The following C2orf42 variants were observed in gnomAD, a reference collection of about 807,000 sequenced individuals.
The protein encoded by C2orf42 is uncharacterized protein C2orf42.
A neutral mutation model predicts 58.9 loss-of-function variants in C2orf42; 44 were observed. The ratio of observed to expected loss-of-function variants is 0.75; its 90% CI spans 0.59 to 0.96. The LOEUF is 0.96. Among genes scored for constraint, C2orf42 ranks in the 40% least tolerant of loss-of-function variants. C2orf42 has a pLI of 0.00. For synonymous variants in C2orf42, 239 were observed against 265.4 expected (o/e 0.90, Z 0.97); for missense variants, 630 against 699.2 (o/e 0.90, Z 1.12).
chr2:70,179,278 A>G (rs10192774), intron 4 of C2orf42, among the ~76,000 whole-genome samples: 1 of 151,990 alleles, frequency 6.6e-6, no homozygotes, highest in Non-Finnish European at 1.5e-5. Flanking sequence ...CAAAAACATA[A>G]TATTTCTTGG....
At chr2:70,169,350 TTC>T (rs759299525) in intron 6 of C2orf42, among the ~76,000 whole-genome samples, 4 of 152,156 alleles carry the variant, frequency 2.6e-5, no homozygotes, top group Non-Finnish European at 5.9e-5. Context: ...GTTTTTTCTC[TTC>T]TGTCTCTAAA....
chr2:70,153,293 G>A (rs1003642595), intron 9 of C2orf42, among the ~76,000 whole-genome samples: 3 of 151,912 alleles, frequency 2.0e-5, no homozygotes, highest in African/African-American at 7.3e-5. Context: ...ACAGATCTGA[G>A]AGGGAGCCAG....
chr2:70,152,352 A>C (rs1337696831), intron 9 of C2orf42, among the ~76,000 whole-genome samples: 1 of 152,196 alleles, frequency 6.6e-6, no homozygotes, highest in East Asian at 1.9e-4. Context: ...CTTCCATTTC[A>C]AATGATATCT....
At chr2:70,174,461 A>G (rs1436676637) in intron 5 of C2orf42, among the ~76,000 whole-genome samples, 1 of 152,206 alleles carries the variant, frequency 6.6e-6, no homozygotes, top group Admixed American at 6.6e-5. Flanking sequence ...CATCACAGTC[A>G]GGAAAATGAC....
chr2:70,173,923 T>G (rs1674008511), intron 5 of C2orf42, among the ~76,000 whole-genome samples: 1 of 152,134 alleles, frequency 6.6e-6, no homozygotes, highest in African/African-American at 2.4e-5. Flanking sequence ...ACTTTGAATC[T>G]CTATACCAAT....
At chr2:70,169,113 G>C (rs1394642366) in intron 6 of C2orf42, among the ~76,000 whole-genome samples, 1 of 151,982 alleles carries the variant, frequency 6.6e-6, no homozygotes, top group Non-Finnish European at 1.5e-5. Context: ...TCCCAGGCTG[G>C]AGTGCAATGG....
intron 1 of C2orf42, among the ~76,000 whole-genome samples, chr2:70,189,973 GTA>G (rs1675234616): frequency 6.6e-6 from 1 of 151,728 alleles, no homozygotes; most frequent in Non-Finnish European, 1.5e-5. Context: ...ATACACATAT[GTA>G]TCTATCTAGA....
chr2:70,166,948 C>A (rs1026926101), intron 6 of C2orf42, among the ~76,000 whole-genome samples: 5 of 152,134 alleles, frequency 3.3e-5, no homozygotes, highest in African/African-American at 9.7e-5. Context: ...ATGGTCAGCA[C>A]CATGAATGCT....
chr2:70,152,044 G>A (rs1320283505), intron 9 of C2orf42, among the ~76,000 whole-genome samples: 1 of 152,042 alleles, frequency 6.6e-6, no homozygotes, highest in African/African-American at 2.4e-5. Context: ...CCCAGAGTGT[G>A]GGGATTACAG....
Position 70,181,294 on chromosome 2 carries a change from G to A in C2orf42, c.692C>T (p.Ser231Leu), listed in dbSNP as rs773883102. ...ATCCTTGGAGGCATTTGACTTGTGC[G>A]ATTTCAGAGTCTGACAGGAGCAGAA... The part of the protein sequence containing the change: ...RFFCSCQTLK[S>L]HKSNASKDET... The change falls in exon 3 of 10, where the codon TCG becomes TTG. Residue 231 changes from serine to leucine, a missense_variant. Physicochemically the swap from Ser to Leu is moderately radical, Grantham distance 145. Transcript: ENST00000264434. 1.2e-5 allele frequency: 20 copies of A among 1,613,810 alleles called. No individual in the cohort carries two copies. Among genetic ancestry groups the A allele is most frequent in the African/African-American group, 8.0e-5 (6 of 74,914 alleles).
intron 9 of C2orf42, among the ~76,000 whole-genome samples, chr2:70,155,734 A>T (rs1482200193): frequency 2.0e-5 from 3 of 151,528 alleles, no homozygotes; most frequent in African/African-American, 7.3e-5. Flanking sequence ...TGGGAGGCGG[A>T]GGTTGCAGTG....
chr2:70,166,503 TAAAAAA>T (rs758706026), intron 6 of C2orf42, among the ~76,000 whole-genome samples: 2 of 93,116 alleles, frequency 2.1e-5, no homozygotes, highest in African/African-American at 8.0e-5. Context: ...CCATCTCTAC[TAAAAAA>T]AAAAAAAAAA....
chr2:70,164,808 T>C (rs1052740336), intron 8 of C2orf42, among the ~76,000 whole-genome samples: 1 of 152,144 alleles, frequency 6.6e-6, no homozygotes, highest in African/African-American at 2.4e-5. Context: ...ATCATAAGTA[T>C]TAGGGGATCA....
Position 70,181,407 on chromosome 2 carries a change from G to A in C2orf42, c.579C>T (p.Cys193=), listed in dbSNP as rs771684373. 4 of 1,613,930 alleles carry A rather than the reference G, an allele frequency of 2.5e-6. No individual in the cohort carries two copies. Among genetic ancestry groups the A allele is most frequent in the Middle Eastern group, 1.6e-4 (1 of 6,084 alleles). The change falls in exon 3 of 10, where the codon TGC becomes TGT. Residue 193 remains cysteine, a synonymous_variant. Transcript: ENST00000264434. ...RITKNILVVK[C]KASQKHSLGY... Reference sequence around the variant, plus strand: ...CCAAACTGTGCTTCTGGCTTGCCTTGCATTTCACCACCAAGATGTTTTTAG... The same window carrying A: ...CCAAACTGTGCTTCTGGCTTGCCTTACATTTCACCACCAAGATGTTTTTAG...
At position 70,181,522 on chromosome 2, in the gene C2orf42, A is replaced by C. The variant is rs1573030508; in HGVS notation, c.464T>G (p.Val155Gly). Residue 155 changes from valine (V) to glycine (G), a missense_variant, in exon 3 of 10, where the codon GTC becomes GGC. Transcript: ENST00000264434. ...CGGGGAGGCCTGCATTGCATTCAGG[A>C]CCGAGCTCTTCAGGGTCAGAGGGGT... Reference protein sequence around the residue: ...EATPLTLKSSVLNAMQASPET... With the variant: ...EATPLTLKSSGLNAMQASPET... 6.2e-7 allele frequency: 1 copy of C among 1,613,496 alleles called. No homozygotes were observed. The highest frequency in any genetic ancestry group is 8.5e-7 in the Non-Finnish European group (1 of 1,179,972).
chr2:70,156,024 A>G (rs1015965831), intron 9 of C2orf42, among the ~76,000 whole-genome samples: 1 of 150,508 alleles, frequency 6.6e-6, no homozygotes, highest in Admixed American at 6.6e-5. Context: ...GCATGGTGGC[A>G]CATGCCTGTA....
In C2orf42 at chr2:70,182,412, T is replaced by C. The variant is rs753008291; in HGVS notation, c.-13+255A>G. On this transcript the variant is annotated intron_variant, in intron 2 of 9. Coordinates refer to ENST00000264434, the MANE Select transcript of C2orf42 (RefSeq NM_017880.3). ...GGCGCCTGGCTGCTATCCACTATTT[T>C]TAAACTGTACCACAAAACAACATAA... is the stretch of plus-strand genomic sequence containing the variant. 33 of 159,310 alleles carry C rather than the reference T, an allele frequency of 2.1e-4. No individual in the cohort carries two copies. In the Middle Eastern group the frequency reaches 0.01, roughly 48 times the overall value. The allele number at this position is 159,310 out of a possible 1,614,324, so 9.9% of individuals were successfully genotyped here.
Position 70,181,545 on chromosome 2 carries a change from G to C in C2orf42, c.441C>G (p.Thr147=). The part of the protein sequence containing the change: ...KLAVNCQAEA[T]PLTLKSSVLN... ...GGACCGAGCTCTTCAGGGTCAGAGG[G>C]GTGGCCTCTGCCTGGCAGTTCACCG... is the stretch of plus-strand genomic sequence containing the variant. Residue 147 remains threonine (T), a synonymous_variant, in exon 3 of 10, where the codon ACC becomes ACG. Transcript: ENST00000264434. 1 of 1,613,746 alleles carries C rather than the reference G, an allele frequency of 6.2e-7. No individual in the cohort carries two copies. Among genetic ancestry groups the C allele is most frequent in the Non-Finnish European group, 8.5e-7 (1 of 1,179,944 alleles).
chr2:70,163,419 G>C (rs1558661369), intron 8 of C2orf42, among the ~76,000 whole-genome samples: 1 of 151,578 alleles, frequency 6.6e-6, no homozygotes, highest in East Asian at 2.0e-4. Context: ...TAATTTTTTT[G>C]TATTTTTAGT....
Sources: allele counts gnomAD v4.1 joint callset (sites outside exome capture counted in the v4.1 genomes callset), GRCh38; gene constraint gnomAD v4.1.1; transcripts MANE v1.5; gene names NCBI Gene and HGNC (gene_info 2026-07-23, HGNC 2026-07-21).